REV3L: variants seen among roughly 807,000 people sequenced by gnomAD.
The protein encoded by REV3L is DNA polymerase zeta catalytic subunit.
In REV3L, 69 loss-of-function variants were observed where a neutral mutation model predicts 299.4. The ratio of observed to expected loss-of-function variants is 0.23; its 90% CI spans 0.19 to 0.28. The LOEUF is 0.28. Ranked by LOEUF, REV3L falls within the 10% of genes least tolerant of loss-of-function variation. REV3L has a pLI of 1.00. For missense variants in REV3L, 3,128 were observed against 3,693.8 expected (o/e 0.85, Z 3.97); for synonymous variants, 1,238 against 1,271.4 (o/e 0.97, Z 0.56).
At chr6:111,370,021 T>C (rs373170985) in intron 13 of REV3L, among the ~76,000 whole-genome samples, 67 of 152,080 alleles carry the variant, frequency 4.4e-4, no homozygotes, top group Middle Eastern at 3.4e-3. Context: ...TTAGTAGAGA[T>C]GGGGTTTCAC....
intron 1 of REV3L, among the ~76,000 whole-genome samples, chr6:111,417,281 C>A (rs1784877247): frequency 6.6e-6 from 1 of 152,172 alleles, no homozygotes; most frequent in Non-Finnish European, 1.5e-5. Context: ...AAACGATAAT[C>A]TGTCCATGAC....
chr6:111,483,372 C>G (rs1004773411), upstream of REV3L: 3 of 477,024 alleles, frequency 6.3e-6, no homozygotes, highest in Non-Finnish European at 7.4e-6. Flanking sequence ...GCTTTCTCCC[C>G]CTCCCCGGGC....
intron 2 of REV3L, among the ~76,000 whole-genome samples, chr6:111,414,036 T>C (rs1031187954): frequency 6.6e-6 from 1 of 152,034 alleles, no homozygotes; most frequent in African/African-American, 2.4e-5. Flanking sequence ...AGTTATTGAG[T>C]CATCTCATAC....
At position 111,376,665 on chromosome 6, in the gene REV3L, C is replaced by A. The variant is rs1780348285; in HGVS notation, c.1690G>T (p.Ala564Ser). 6.2e-7 allele frequency: 1 copy of A among 1,611,460 alleles called. No individual in the cohort carries two copies. Among genetic ancestry groups the A allele is most frequent in the Admixed American group, 1.7e-5 (1 of 59,988 alleles). ...SVKPSIFHKD[A>S]ATLEPSSSAK... ...GAAGATGAGGGTTCTAATGTAGCAG[C>A]ATCTTTGTGAAAGATGGAGGGTTTA... The change falls in exon 13 of 32, where the codon GCT (alanine) becomes TCT (serine). Residue 564 changes from alanine to serine, a missense_variant. Ala to Ser is a moderately conservative substitution (Grantham distance 99). Coordinates refer to ENST00000368802, the MANE Select transcript of REV3L (RefSeq NM_001372078.1).
At chr6:111,394,235 G>GTACTAAT (rs1782236162) in intron 4 of REV3L, among the ~76,000 whole-genome samples, 1 of 152,156 alleles carries the variant, frequency 6.6e-6, no homozygotes, top group African/African-American at 2.4e-5. Context: ...CATAATGGCT[G>GTACTAAT]TACTAATTTA....
chr6:111,387,371 G>T lies in REV3L; in HGVS notation c.1096+394C>A, dbSNP rs571083564. ...CGTTTGCACAACTTTGTAAATCATT[G>T]AATTATACGCTTAAAATGACTGAAT... is the stretch of plus-strand genomic sequence containing the variant. On this transcript the variant is annotated intron_variant, in intron 9 of 31. Coordinates refer to ENST00000368802, the MANE Select transcript of REV3L (RefSeq NM_001372078.1). Among the ~76,000 whole-genome samples, 4 of 152,154 alleles carry T rather than the reference G, an allele frequency of 2.6e-5. No individual in the cohort carries two copies. In the South Asian group the frequency reaches 8.3e-4, roughly 32 times the overall value.
chr6:111,420,587 T>G (rs964102827), intron 1 of REV3L, among the ~76,000 whole-genome samples: 4 of 152,218 alleles, frequency 2.6e-5, no homozygotes, highest in African/African-American at 9.6e-5. Context: ...AATAAGATCG[T>G]CTGTGGCTGA....
At position 111,375,021 on chromosome 6, in the gene REV3L, A is replaced by G. The variant is rs199991880; in HGVS notation, c.3334T>C (p.Phe1112Leu). The change falls in exon 13 of 32, where the codon TTT becomes CTT. Residue 1112 changes from phenylalanine to leucine, a missense_variant. Phe to Leu is a conservative substitution (Grantham distance 22, BLOSUM62 0). This residue lies in a region of REV3L where 2,409 missense variants were observed against 2,611.8 expected (regional missense o/e 0.92). Transcript: ENST00000368802. ...NYSDVMSKLG[F>L]LSERSTSPIN... is the part of the protein sequence containing the mutation. ...GGACTTGTGCTTCTCTCAGAAAGAA[A>G]ACCTAGTTTAGACATAACATCACTA... 5.0e-6 allele frequency: 8 copies of G among 1,613,724 alleles called. No individual in the cohort carries two copies. In the Admixed American group the frequency reaches 1.0e-4, roughly 20 times the overall value.
rs370603305 is a variant in REV3L, at chr6:111,373,355, A to G, written c.5000T>C (p.Val1667Ala). The G allele has an allele frequency of 1.9e-6, 3 of 1,613,648 alleles. No individual in the cohort carries two copies. In the African/African-American group the frequency reaches 4.0e-5, roughly 22 times the overall value. ...FCSFYSGSQF[V>A]PADQNLPQKF... ...CTGAGGCAAATTCTGATCAGCTGGG[A>G]CAAACTGACTTCCAGAATAAAAGCT... The change falls in exon 13 of 32, where the codon GTC (valine) becomes GCC (alanine). Residue 1667 changes from valine (V) to alanine (A), a missense_variant. By Grantham distance (64) the Val-to-Ala change is moderately conservative. Around this residue, in one of 9 missense-constraint regions of REV3L, gnomAD observed 2,409 missense variants for 2,611.8 expected, o/e 0.92. Coordinates refer to ENST00000368802, the MANE Select transcript of REV3L (RefSeq NM_001372078.1).
intron 30 of REV3L, chr6:111,307,798 T>C (rs565485144): frequency 0.011 from 5,207 of 474,068 alleles, 47 homozygotes; most frequent in Non-Finnish European, 0.016. Context: ...TCAGATACAT[T>C]TTTTTTTTAT....
At chr6:111,323,970 C>T (rs567455800) in intron 25 of REV3L, among the ~76,000 whole-genome samples, 43 of 151,978 alleles carry the variant, frequency 2.8e-4, no homozygotes, top group South Asian at 1.5e-3. Context: ...GTAGTAGAAA[C>T]GAGTTGGGAT....
intron 16 of REV3L, chr6:111,361,409 C>CAA (rs1778651031): frequency 7.8e-6 from 1 of 128,136 alleles, no homozygotes. Context: ...AAACAAAAAA[C>CAA]ACACACACAC....
At chr6:111,315,858 T>A (rs1018893796) in intron 26 of REV3L, among the ~76,000 whole-genome samples, 1 of 152,188 alleles carries the variant, frequency 6.6e-6, no homozygotes, top group Non-Finnish European at 1.5e-5. Flanking sequence ...TGCTTGATGA[T>A]CTGAGGTGGA....
chr6:111,383,093 A>G (rs1781002010), intron 9 of REV3L, among the ~76,000 whole-genome samples: 1 of 152,172 alleles, frequency 6.6e-6, no homozygotes, highest in South Asian at 2.1e-4. Context: ...AACACAAGTG[A>G]CACTCAGGCA....
In REV3L at chr6:111,483,140, C is replaced by T. The variant is rs920895427; in HGVS notation, c.-252G>A. The T allele has an allele frequency of 4.1e-6, 2 of 490,180 alleles. No individual in the cohort carries two copies. The highest frequency in any genetic ancestry group is 4.1e-5 in the African/African-American group (2 of 49,050). The allele number at this position is 490,180 out of a possible 1,614,324, so 30.4% of individuals were successfully genotyped here. A position where few individuals can be genotyped will look rare whatever the true frequency, so the allele number is the denominator to read the frequency against. ...GCTTTCGTCGGTGCTGGTGCTGCCG[C>T]CACTGCCGCCACCGCCGGGAATCAC... On this transcript the variant is annotated 5_prime_UTR_variant, in exon 1 of 32. Transcript: ENST00000368802.
intron 1 of REV3L, among the ~76,000 whole-genome samples, chr6:111,447,556 C>T (rs762328444): frequency 1.1e-4 from 17 of 152,196 alleles, no homozygotes; most frequent in Non-Finnish European, 2.1e-4. Context: ...ATTCACTTTA[C>T]GTCAGGGGTT....
chr6:111,421,023 G>A (rs1785287488), intron 1 of REV3L, among the ~76,000 whole-genome samples: 1 of 152,134 alleles, frequency 6.6e-6, no homozygotes, highest in Non-Finnish European at 1.5e-5. Flanking sequence ...AGACACTCGG[G>A]AGGCTGAGGC....
intron 4 of REV3L, among the ~76,000 whole-genome samples, chr6:111,401,974 T>C (rs1199423765): frequency 6.6e-6 from 1 of 151,784 alleles, no homozygotes; most frequent in Non-Finnish European, 1.5e-5. Context: ...ATTAGCTAGG[T>C]GCGGTGGCAT....
At chr6:111,360,561 G>C (rs1470327023) in intron 16 of REV3L, 5 of 145,474 alleles carry the variant, frequency 3.4e-5, no homozygotes, top group African/African-American at 1.3e-4. Context: ...CTGCAGCCCT[G>C]AACTCCTGGG....
Sources: allele counts gnomAD v4.1 joint callset (sites outside exome capture counted in the v4.1 genomes callset), GRCh38; gene constraint gnomAD v4.1.1; regional missense constraint gnomAD v4.1.1; transcripts MANE v1.5; gene names NCBI Gene and HGNC (gene_info 2026-07-23, HGNC 2026-07-21).